The following SEM1 variants were observed in gnomAD, a reference collection of about 807,000 sequenced individuals.
SEM1 encodes SEM1 26S proteasome subunit.
Under a neutral mutation model 12.7 loss-of-function variants are expected in SEM1, and 3 were observed. The observed-to-expected ratio is 0.24, with a 90% CI of 0.11 to 0.61. SEM1 has a LOEUF of 0.61. Ranked by LOEUF, SEM1 falls within the 20% of genes least tolerant of loss-of-function variation. The pLI is 0.88. For missense variants in SEM1, 59 were observed against 81.3 expected (o/e 0.73, Z 1.06); for synonymous variants, 30 against 27.8 (o/e 1.08, Z -0.25).
At chr7:96,679,051 T>C (rs1182119356) in intron 2 of SEM1, among the ~76,000 whole-genome samples, 3 of 152,122 alleles carry the variant, frequency 2.0e-5, no homozygotes, top group East Asian at 1.9e-4. Flanking sequence ...TTCTTCAATA[T>C]ATAAATCAAT....
chr7:96,508,347 GA>G (rs1803821099), intron 2 of SEM1, among the ~76,000 whole-genome samples: 1 of 152,080 alleles, frequency 6.6e-6, no homozygotes, highest in Non-Finnish European at 1.5e-5. Flanking sequence ...AAGAGAAATA[GA>G]GGGAAAGAAG....
intron 2 of SEM1, among the ~76,000 whole-genome samples, chr7:96,624,554 A>T (rs1216391278): frequency 6.6e-6 from 1 of 152,190 alleles, no homozygotes; most frequent in Non-Finnish European, 1.5e-5. Context: ...ATAATACTAA[A>T]TTCAGACAAT....
At chr7:96,623,839 G>A (rs940562080) in intron 2 of SEM1, among the ~76,000 whole-genome samples, 1 of 152,098 alleles carries the variant, frequency 6.6e-6, no homozygotes, top group Non-Finnish European at 1.5e-5. Flanking sequence ...TGGCAGGACT[G>A]TGCTCCCTCT....
At chr7:96,570,856 G>A (rs1214235987) in intron 2 of SEM1, among the ~76,000 whole-genome samples, 4 of 151,980 alleles carry the variant, frequency 2.6e-5, no homozygotes, top group Admixed American at 2.0e-4. Flanking sequence ...CATCCTCTCC[G>A]GCATCTGTTG....
At chr7:96,486,131 T>C in intron 2 of SEM1, 1 of 1,068,874 alleles carries the variant, frequency 9.4e-7, no homozygotes, top group Admixed American at 2.4e-5. Context: ...TAGTATCTGG[T>C]GTCAAAGACT....
At chr7:96,552,162 C>A (rs1025593805) in intron 2 of SEM1, among the ~76,000 whole-genome samples, 2 of 151,136 alleles carry the variant, frequency 1.3e-5, no homozygotes, top group African/African-American at 4.9e-5. Flanking sequence ...GCTGGGGCTA[C>A]CATTTAACTA....
chr7:96,589,552 G>A (rs1806762343), intron 2 of SEM1, among the ~76,000 whole-genome samples: 1 of 152,128 alleles, frequency 6.6e-6, no homozygotes, highest in Non-Finnish European at 1.5e-5. Context: ...CCACTGCTGA[G>A]ACATCCAACC....
chr7:96,516,225 G>A (rs1327117230), intron 2 of SEM1, among the ~76,000 whole-genome samples: 1 of 152,006 alleles, frequency 6.6e-6, no homozygotes, highest in Non-Finnish European at 1.5e-5. Context: ...AACAAAGAAA[G>A]AACTGATAAG....
intron 3 of SEM1, among the ~76,000 whole-genome samples, chr7:96,501,455 C>A (rs1016474946): frequency 2.0e-5 from 3 of 152,006 alleles, no homozygotes; most frequent in Non-Finnish European, 4.4e-5. Context: ...CACAAAAAAA[C>A]CCAATCTTTT....
chr7:96,639,835 A>G (rs1808536736), intron 2 of SEM1, among the ~76,000 whole-genome samples: 1 of 152,000 alleles, frequency 6.6e-6, no homozygotes, highest in South Asian at 2.1e-4. Flanking sequence ...TATTTGATAA[A>G]GGACTGTTAT....
At chr7:96,492,585 A>ATTTTTTT (rs59252542) in intron 1 of SEM1, among the ~76,000 whole-genome samples, 1 of 79,676 alleles carries the variant, frequency 1.3e-5, no homozygotes. Context: ...AATTTTTTGT[A>ATTTTTTT]TTTTTTTTTT....
intron 2 of SEM1, among the ~76,000 whole-genome samples, chr7:96,615,436 G>A (rs1421983470): frequency 6.6e-6 from 1 of 151,744 alleles, no homozygotes; most frequent in Admixed American, 6.6e-5. Context: ...TGTATTTTTG[G>A]TAGAGACAAG....
chr7:96,682,273 AG>A (rs1241878600), intron 2 of SEM1, among the ~76,000 whole-genome samples: 1 of 152,136 alleles, frequency 6.6e-6, no homozygotes, highest in Non-Finnish European at 1.5e-5. Flanking sequence ...TATCAGCTTA[AG>A]GAGATTTTGG....
At chr7:96,615,280 G>A (rs999706809) in intron 2 of SEM1, among the ~76,000 whole-genome samples, 1 of 122,678 alleles carries the variant, frequency 8.2e-6, no homozygotes, top group Admixed American at 1.0e-4. Context: ...ACAGAGTCTC[G>A]CTCTATTCCC....
At chr7:96,602,625 A>G (rs1468864942) in intron 2 of SEM1, among the ~76,000 whole-genome samples, 1 of 152,162 alleles carries the variant, frequency 6.6e-6, no homozygotes, top group Non-Finnish European at 1.5e-5. Flanking sequence ...CCTTGAGCAA[A>G]TCTAGTTTTT....
At chr7:96,592,883 AGGAAC>A (rs1806871347) in intron 2 of SEM1, among the ~76,000 whole-genome samples, 1 of 151,932 alleles carries the variant, frequency 6.6e-6, no homozygotes, top group African/African-American at 2.4e-5. Context: ...CTGGTAAAGA[AGGAAC>A]GGAGAAAGTT....
intron 2 of SEM1, among the ~76,000 whole-genome samples, chr7:96,588,298 G>T (rs1018826508): frequency 6.6e-6 from 1 of 150,952 alleles, no homozygotes; most frequent in Admixed American, 6.6e-5. Flanking sequence ...AATGAGCCAC[G>T]ATCACACCAC....
chr7:96,680,430 GTAAC>G (rs1260086689), intron 2 of SEM1, among the ~76,000 whole-genome samples: 1 of 152,062 alleles, frequency 6.6e-6, no homozygotes, highest in African/African-American at 2.4e-5. Context: ...AACAAAAAGA[GTAAC>G]TAAGAGGAGA....
intron 2 of SEM1, among the ~76,000 whole-genome samples, chr7:96,693,719 A>G (rs1056798558): frequency 3.3e-5 from 5 of 151,764 alleles, no homozygotes; most frequent in Admixed American, 6.6e-5. Context: ...AGCTCCTCAA[A>G]AAGTTAAATA....
Sources: allele counts gnomAD v4.1 joint callset (sites outside exome capture counted in the v4.1 genomes callset), GRCh38; gene constraint gnomAD v4.1.1; transcripts MANE v1.5; gene names NCBI Gene and HGNC (gene_info 2026-07-23, HGNC 2026-07-21).